The following BRD10 variants were observed in gnomAD, a reference collection of about 807,000 sequenced individuals.
BRD10 encodes uncharacterized bromodomain-containing protein 10.
the BRD10 span, among the ~76,000 whole-genome samples, chr9:5,982,393 C>G: frequency 6.6e-6 from 1 of 152,110 alleles, no homozygotes; most frequent in African/African-American, 2.4e-5. Context: ...CTCCAAAACT[C>G]GTGTTGAAAT....
the BRD10 span, among the ~76,000 whole-genome samples, chr9:5,997,293 CTT>C: frequency 1.3e-5 from 2 of 152,212 alleles, no homozygotes; most frequent in African/African-American, 4.8e-5. Flanking sequence ...GAATACCACT[CTT>C]ATTCCCCACA....
At chr9:5,962,181 C>T in the BRD10 span, among the ~76,000 whole-genome samples, 3 of 151,612 alleles carry the variant, frequency 2.0e-5, no homozygotes, top group Admixed American at 6.6e-5. Context: ...AAAGAAAAAA[C>T]GAGAGAAGAA....
the BRD10 span, among the ~76,000 whole-genome samples, chr9:5,972,191 T>C: frequency 0.16 from 23,828 of 151,950 alleles, 2,014 homozygotes; most frequent in Middle Eastern, 0.24. Context: ...AATTAAGATA[T>C]TAGGAGGGAT....
At chr9:5,920,811 G>C in the BRD10 span, 3 of 1,613,992 alleles carry the variant, frequency 1.9e-6, no homozygotes, top group South Asian at 2.2e-5. Context: ...GACACTACTG[G>C]TTGTGTAGTT....
At chr9:5,888,080 A>C in the BRD10 span, among the ~76,000 whole-genome samples, 3 of 152,168 alleles carry the variant, frequency 2.0e-5, no homozygotes, top group African/African-American at 7.2e-5. Flanking sequence ...ATGGGTCCTC[A>C]GGTATTATGG....
chr9:5,912,765 A>G, the BRD10 span, among the ~76,000 whole-genome samples: 2 of 152,118 alleles, frequency 1.3e-5, no homozygotes, highest in Non-Finnish European at 2.9e-5. Context: ...TTGCCCTGAC[A>G]TACCTGTGGG....
the BRD10 span, among the ~76,000 whole-genome samples, chr9:5,943,706 T>G: frequency 6.6e-6 from 1 of 152,130 alleles, no homozygotes; most frequent in Admixed American, 6.6e-5. Context: ...AATATAAGAA[T>G]CTAAACCATT....
the BRD10 span, among the ~76,000 whole-genome samples, chr9:5,888,334 T>C: frequency 6.6e-6 from 1 of 152,218 alleles, no homozygotes; most frequent in Non-Finnish European, 1.5e-5. Flanking sequence ...TTTTGCACTG[T>C]CGGACTTTGC....
chr9:5,979,065 G>A, the BRD10 span, among the ~76,000 whole-genome samples: 1 of 152,154 alleles, frequency 6.6e-6, no homozygotes, highest in South Asian at 2.1e-4. Context: ...TTGTGTTATA[G>A]AGAATATGAA....
the BRD10 span, chr9:5,968,164 T>C: frequency 1.9e-6 from 3 of 1,603,240 alleles, no homozygotes; most frequent in Admixed American, 5.2e-5. Flanking sequence ...TCAATTTCTT[T>C]TTTTTCTTTT....
the BRD10 span, chr9:6,007,501 C>T: frequency 1.2e-6 from 2 of 1,612,506 alleles, no homozygotes; most frequent in Middle Eastern, 1.7e-4. Flanking sequence ...GGCGGTGAGG[C>T]CCCGGTGCTT....
At chr9:5,929,262 CG>C in the BRD10 span, 14 of 586,788 alleles carry the variant, frequency 2.4e-5, no homozygotes, top group African/African-American at 2.5e-4. Flanking sequence ...TCCATAAAAA[CG>C]TATTTCTTCT....
chr9:5,994,847 G>A, the BRD10 span, among the ~76,000 whole-genome samples: 1 of 151,646 alleles, frequency 6.6e-6, no homozygotes, highest in Non-Finnish European at 1.5e-5. Context: ...CTTTGAAGGT[G>A]GTCAACTCCC....
chr9:5,905,554 C>T, the BRD10 span, among the ~76,000 whole-genome samples: 1 of 152,168 alleles, frequency 6.6e-6, no homozygotes, highest in South Asian at 2.1e-4. Flanking sequence ...TCCAAACTGA[C>T]TCTGGTATAG....
At chr9:5,907,020 G>A in the BRD10 span, 2 of 1,487,676 alleles carry the variant, frequency 1.3e-6, no homozygotes, top group Admixed American at 2.3e-5. Context: ...TCCTTCATAA[G>A]GGTATTTTCA....
At chr9:5,990,625 T>A in the BRD10 span, among the ~76,000 whole-genome samples, 1 of 152,176 alleles carries the variant, frequency 6.6e-6, no homozygotes, top group Admixed American at 6.5e-5. Flanking sequence ...CATCAGAAAT[T>A]AAAATTTATG....
the BRD10 span, among the ~76,000 whole-genome samples, chr9:5,994,278 T>C: frequency 1.3e-5 from 2 of 152,212 alleles, no homozygotes; most frequent in African/African-American, 4.8e-5. Context: ...TATCCATATA[T>C]GATTTATAAA....
chr9:5,917,394 G>A, the BRD10 span, among the ~76,000 whole-genome samples: 1 of 152,172 alleles, frequency 6.6e-6, no homozygotes. Context: ...TGAACAAGAG[G>A]GAGAACAGGT....
the BRD10 span, among the ~76,000 whole-genome samples, chr9:5,951,074 A>ACACC: frequency 2.9e-5 from 4 of 136,108 alleles, no homozygotes; most frequent in Non-Finnish European, 4.8e-5. Context: ...ACACACACAC[A>ACACC]CACCCCCACC....
Sources: gnomAD v4.1 joint callset for allele counts (sites outside exome capture counted in the v4.1 genomes callset) on GRCh38, gnomAD v4.1.1 for gene constraint, MANE v1.5 for transcripts, NCBI Gene and HGNC (gene_info 2026-07-23, HGNC 2026-07-21) for gene names.